Variants in DIAPH2 observed in about 807,000 individuals in gnomAD.
The protein encoded by DIAPH2 is protein diaphanous homolog 2.
Under a neutral mutation model 92.7 loss-of-function variants are expected in DIAPH2, and 35 were observed. The observed-to-expected ratio is 0.38, with a 90% CI of 0.29 to 0.50. DIAPH2 has a LOEUF of 0.50. DIAPH2 is among the 20% of genes least tolerant of loss of function. DIAPH2 has a pLI of 0.94. For synonymous variants in DIAPH2, 301 were observed against 280.4 expected (o/e 1.07, Z -0.73); for missense variants, 701 against 819.5 (o/e 0.86, Z 1.77).
chrX:97,449,270 A>C (rs917696235), intron 26 of DIAPH2, among the ~76,000 whole-genome samples: 18 of 111,935 alleles, frequency 1.6e-4, no homozygotes, highest in Non-Finnish European at 1.3e-4. Flanking sequence ...ACAAGCTTTA[A>C]GTCTCAGCTT....
At chrX:97,003,200 T>G (rs760903093) in intron 17 of DIAPH2, among the ~76,000 whole-genome samples, 2 of 111,757 alleles carry the variant, frequency 1.8e-5, no homozygotes, top group Admixed American at 1.9e-4. Flanking sequence ...TTTATTCTTC[T>G]GTTGATGGAC....
chrX:97,248,808 C>T (rs2147552066), intron 23 of DIAPH2, among the ~76,000 whole-genome samples: 1 of 111,686 alleles, frequency 9.0e-6, no homozygotes, highest in East Asian at 2.8e-4. Flanking sequence ...AGTTACAGTG[C>T]TGAACTCGAA....
chrX:97,441,592 C>T lies in DIAPH2; in HGVS notation c.3241+11847C>T, dbSNP rs377384907. Among the ~76,000 whole-genome samples the T allele has an allele frequency of 3.0e-3, 334 of 111,352 alleles. 1 individual carries two copies. The highest frequency in any genetic ancestry group is 8.5e-3 in the African/African-American group (261 of 30,685). On this transcript the variant is annotated intron_variant, in intron 26 of 26. Coordinates refer to ENST00000324765, the MANE Select transcript of DIAPH2 (RefSeq NM_006729.5). The stretch of plus-strand genomic sequence containing the variant: ...CAGCACTTTCGGAGGCTGAGGCAGG[C>T]GGATCACGAGGTCAGGAGATCGAGA...
In DIAPH2 at chrX:97,601,182, G is replaced by A. The variant is rs182078519; in HGVS notation, c.*1865G>A. 1.8e-5 allele frequency: 2 copies of A among 111,863 alleles called. No homozygotes were observed. The highest frequency in any genetic ancestry group is 3.3e-5 in the African/African-American group (1 of 30,697). The allele number at this position is 111,863 out of a possible 1,213,427, so 9.2% of individuals were successfully genotyped here. On this transcript the variant is annotated 3_prime_UTR_variant, in exon 27 of 27. Transcript: ENST00000324765. ...AAAGTCTTTCTTTTCTGAAATCTTC[G>A]TGGTATGGCTTTTTTAATTCTTTTG...
At chrX:96,708,536 G>A (rs767838410) in intron 1 of DIAPH2, among the ~76,000 whole-genome samples, 3 of 109,630 alleles carry the variant, frequency 2.7e-5, no homozygotes, top group Non-Finnish European at 3.8e-5. Context: ...CACCGTGCCC[G>A]TCCCCCACCC....
In DIAPH2 at chrX:96,751,652, G is replaced by GTTTTTT. The variant is rs1219167141; in HGVS notation, c.343-6488_343-6483dup. Among the ~76,000 whole-genome samples the GTTTTTT allele has an allele frequency of 3.6e-3, 219 of 60,254 alleles. 16 individuals are homozygous for GTTTTTT. The highest frequency in any genetic ancestry group is 0.011 in the East Asian group (17 of 1,591). 52.3% of individuals were successfully genotyped at this position (60,254 alleles called of 115,157 possible). On this transcript the variant is annotated intron_variant, in intron 3 of 26. Transcript: ENST00000324765. ...ATGGTCAACTAGACTTCAGTGTTTTGTTTTTTTTTTTTTTTTTTTGAGACG... is the reference window on the plus strand; with the variant it reads ...ATGGTCAACTAGACTTCAGTGTTTTGTTTTTTTTTTTTTTTTTTTTTTTTTGAGACG...
intron 18 of DIAPH2, among the ~76,000 whole-genome samples, chrX:97,074,732 A>AT (rs937830434): frequency 2.7e-5 from 3 of 111,723 alleles, no homozygotes; most frequent in Non-Finnish European, 5.6e-5. Flanking sequence ...GATGGATATG[A>AT]TTTTTTATTT....
chrX:97,250,500 C>T (rs1424025481), intron 23 of DIAPH2, among the ~76,000 whole-genome samples: 1 of 112,041 alleles, frequency 8.9e-6, no homozygotes, highest in Non-Finnish European at 1.9e-5. Flanking sequence ...TGATTGAACA[C>T]TTAAAGTATG....
intron 3 of DIAPH2, among the ~76,000 whole-genome samples, chrX:96,747,102 A>G (rs1168108046): frequency 2.7e-5 from 3 of 111,789 alleles, no homozygotes; most frequent in African/African-American, 9.8e-5. Context: ...TTAAATGCTT[A>G]TTAGTGTTTT....
intron 26 of DIAPH2, among the ~76,000 whole-genome samples, chrX:97,574,114 C>G (rs1383909197): frequency 9.0e-6 from 1 of 111,584 alleles, no homozygotes; most frequent in African/African-American, 3.3e-5. Context: ...GTTGACAAAC[C>G]TAAAAAAATT....
intron 22 of DIAPH2, among the ~76,000 whole-genome samples, chrX:97,218,892 T>A (rs1466686701): frequency 8.9e-6 from 1 of 112,173 alleles, no homozygotes; most frequent in African/African-American, 3.2e-5. Flanking sequence ...ATATTTTTGA[T>A]CTGCAGTTGT....
rs187644777 is a variant in DIAPH2, at chrX:96,866,863, G to A, written c.448-14716G>A. On this transcript the variant is annotated intron_variant, in intron 4 of 26. Coordinates refer to ENST00000324765, the MANE Select transcript of DIAPH2 (RefSeq NM_006729.5). Reference sequence around the variant, plus strand: ...TAGATTATACTAATTTTTTCTCTGAGAAGTAAATGACATGCTAGAATAGTA... The same window carrying A: ...TAGATTATACTAATTTTTTCTCTGAAAAGTAAATGACATGCTAGAATAGTA... Among the ~76,000 whole-genome samples, 938 of 112,150 alleles carry A rather than the reference G, an allele frequency of 8.4e-3. 7 individuals carry two copies. Among genetic ancestry groups the A allele is most frequent in the Non-Finnish European group, 0.013 (691 of 53,236 alleles).
At chrX:97,271,594 T>G (rs2068386396) in intron 23 of DIAPH2, among the ~76,000 whole-genome samples, 1 of 111,261 alleles carries the variant, frequency 9.0e-6, no homozygotes, top group Non-Finnish European at 1.9e-5. Context: ...AGGCATTTTC[T>G]AGGTTACCAT....
rs184179656 is a variant in DIAPH2 at position 97,408,606 on chromosome X, C to T, written c.3146-21044C>T. 2.1e-4 allele frequency among the ~76,000 whole-genome samples: 23 copies of T among 111,289 alleles called. No homozygotes were observed. The Admixed American group carries it at 2.2e-3, about 11-fold the overall frequency. Reference sequence around the variant, plus strand: ...TATTTATAAAAATTGTCTAAATTACCTGAATTTAGAACATTTAAGTTTCTA... The same window carrying T: ...TATTTATAAAAATTGTCTAAATTACTTGAATTTAGAACATTTAAGTTTCTA... On this transcript the variant is annotated intron_variant, in intron 25 of 26. Coordinates refer to ENST00000324765, the MANE Select transcript of DIAPH2 (RefSeq NM_006729.5).
intron 4 of DIAPH2, among the ~76,000 whole-genome samples, chrX:96,864,787 C>T (rs1206640575): frequency 1.8e-5 from 2 of 111,762 alleles, no homozygotes; most frequent in African/African-American, 6.5e-5. Context: ...GAGAGAAAGA[C>T]GAATGGATAG....
At position 97,274,950 on chromosome X, in the gene DIAPH2, G is replaced by A. The variant is rs759017477; in HGVS notation, c.2844+27111G>A. Among the ~76,000 whole-genome samples, 8 of 111,305 alleles carry A rather than the reference G, an allele frequency of 7.2e-5. No homozygotes were observed. In the East Asian group the frequency reaches 1.4e-3, roughly 20 times the overall value. On this transcript the variant is annotated intron_variant, in intron 23 of 26. Transcript: ENST00000324765. ...CACAGCACATGTTTCAGAGAGCACCGGGTTGGGGGTAAGGTCATAGATCAA... is the reference window on the plus strand; with the variant it reads ...CACAGCACATGTTTCAGAGAGCACCAGGTTGGGGGTAAGGTCATAGATCAA...
chrX:97,434,098 G>A (rs1243198840), intron 26 of DIAPH2, among the ~76,000 whole-genome samples: 1 of 111,042 alleles, frequency 9.0e-6, no homozygotes, highest in Non-Finnish European at 1.9e-5. Context: ...AAGAAAATAG[G>A]ATATATATAG....
intron 21 of DIAPH2, 142 bp downstream of exon 21, chrX:97,115,107 A>C: frequency 6.1e-6 from 3 of 495,731 alleles, no homozygotes; most frequent in Non-Finnish European, 9.2e-6. Context: ...ATTATATCTC[A>C]ATTCAAACAA....
At chrX:97,366,107 T>A (rs2147711495) in intron 24 of DIAPH2, among the ~76,000 whole-genome samples, 1 of 112,339 alleles carries the variant, frequency 8.9e-6, no homozygotes, top group Non-Finnish European at 1.9e-5. Flanking sequence ...TATCTTTGAA[T>A]TTTTATTACA....
Sources: allele counts gnomAD v4.1 joint callset (sites outside exome capture counted in the v4.1 genomes callset), GRCh38; gene constraint gnomAD v4.1.1; transcripts MANE v1.5; gene names NCBI Gene and HGNC (gene_info 2026-07-23, HGNC 2026-07-21).